DACH1: variants seen among roughly 807,000 people sequenced by gnomAD.
DACH1 encodes dachshund homolog 1.
In DACH1, 12 loss-of-function variants were observed where a neutral mutation model predicts 54.2. That is an observed-to-expected ratio of 0.22 (90% CI 0.14 to 0.36). The LOEUF (loss-of-function observed/expected upper bound fraction) is 0.36. Ranked by LOEUF, DACH1 falls within the 10% of genes least tolerant of loss-of-function variation. The pLI, the probability that DACH1 is intolerant of heterozygous loss-of-function variation, is 1.00. For missense variants in DACH1, 805 were observed against 929.8 expected (o/e 0.87, Z 1.75); for synonymous variants, 386 against 366.2 (o/e 1.05, Z -0.62).
chr13:71,700,792 T>C (rs1287984206), intron 1 of DACH1, among the ~76,000 whole-genome samples: 1 of 152,286 alleles, frequency 6.6e-6, no homozygotes, highest in South Asian at 2.1e-4. Flanking sequence ...AAAATCTTTA[T>C]ATTTGAAAAC....
chr13:71,632,490 CTG>C (rs1877182323), intron 2 of DACH1, among the ~76,000 whole-genome samples: 1 of 144,104 alleles, frequency 6.9e-6, no homozygotes, highest in African/African-American at 2.6e-5. Flanking sequence ...TCGAATTTAT[CTG>C]TGTGATTTAT....
chr13:71,497,859 GACACACACACACACAC>G lies in DACH1; in HGVS notation c.1571-8727_1571-8712del, dbSNP rs6145114. On this transcript the variant is annotated intron_variant, in intron 6 of 10. Coordinates refer to ENST00000613252, the MANE Select transcript of DACH1 (RefSeq NM_080759.6). ...GCAGGACCTAGAGGAAATATGTGTT[GACACACACACACACAC>G]ACACACACACACACACACACACACA... 4.5e-3 allele frequency among the ~76,000 whole-genome samples: 666 copies of G among 146,404 alleles called. 4 individuals carry two copies. Among genetic ancestry groups the G allele is most frequent in the African/African-American group, 0.015 (593 of 39,818 alleles).
intron 1 of DACH1, among the ~76,000 whole-genome samples, chr13:71,732,451 G>A (rs1883794013): frequency 6.6e-6 from 1 of 151,894 alleles, no homozygotes; most frequent in Non-Finnish European, 1.5e-5. Context: ...TGGGTGTGGT[G>A]GTCGGTACCT....
rs1182667810 is a variant in DACH1 at position 71,630,630 on chromosome 13, G to C, written c.1052C>G (p.Ala351Gly). The change falls in exon 3 of 11, where the codon GCC (alanine) becomes GGC (glycine). Residue 351 changes from alanine to glycine, a missense_variant. By Grantham distance (60) the Ala-to-Gly change is moderately conservative. This residue lies in a region of DACH1 where 472 missense variants were observed against 545.3 expected (regional missense o/e 0.87). Transcript: ENST00000613252. ...AMKVKKIKLEAMSNYHASNNQ... is the reference protein window; with the variant it reads ...AMKVKKIKLEGMSNYHASNNQ... ...ATTACTGGCATGATAGTTGCTCATG[G>C]CTTCTAATTTGATTTTTTTCACCTT... 6.2e-7 allele frequency: 1 copy of C among 1,611,770 alleles called. No individual in the cohort carries two copies. The highest frequency in any genetic ancestry group is 1.1e-5 in the South Asian group (1 of 90,718).
chr13:71,558,932 G>A (rs931430587), intron 5 of DACH1, among the ~76,000 whole-genome samples: 11 of 151,792 alleles, frequency 7.2e-5, no homozygotes, highest in South Asian at 2.1e-4. Flanking sequence ...AAATATTCTC[G>A]ACAACCAAAT....
chr13:71,834,062 C>T (rs1888687997), intron 1 of DACH1, among the ~76,000 whole-genome samples: 1 of 151,934 alleles, frequency 6.6e-6, no homozygotes, highest in Admixed American at 6.6e-5. Flanking sequence ...GTCAAATGTT[C>T]CTTTGTTTCC....
In DACH1 at chr13:71,502,946, G is replaced by A. The variant is rs1055777485; in HGVS notation, c.1571-13798C>T. ...ACCCTAAGCTAGGCATCAGTTTGCTGGTCTAGAAAAATTAATTTATGTAAG... is the reference window on the plus strand; with the variant it reads ...ACCCTAAGCTAGGCATCAGTTTGCTAGTCTAGAAAAATTAATTTATGTAAG... On this transcript the variant is annotated intron_variant, in intron 6 of 10. Coordinates refer to ENST00000613252, the MANE Select transcript of DACH1 (RefSeq NM_080759.6). Among the ~76,000 whole-genome samples the A allele has an allele frequency of 3.9e-5, 6 of 152,180 alleles. No homozygotes were observed. The East Asian group carries it at 5.8e-4, about 15-fold the overall frequency.
At position 71,676,561 on chromosome 13, in the gene DACH1, T is replaced by C. The variant is rs1594085359; in HGVS notation, c.964+5234A>G. Among the ~76,000 whole-genome samples the C allele has an allele frequency of 2.6e-5, 4 of 152,226 alleles. No individual in the cohort carries two copies. The East Asian group carries it at 7.7e-4, about 29-fold the overall frequency. Reference sequence around the variant, plus strand: ...TAAATTTTCTCCTGAGAAGTTGAAATGTTTAATGCATTTAAACTATTACAA... The same window carrying C: ...TAAATTTTCTCCTGAGAAGTTGAAACGTTTAATGCATTTAAACTATTACAA... On this transcript the variant is annotated intron_variant, in intron 2 of 10. Transcript: ENST00000613252.
At chr13:71,490,656 G>T (rs564751959) in intron 6 of DACH1, among the ~76,000 whole-genome samples, 110 of 152,302 alleles carry the variant, frequency 7.2e-4, no homozygotes, top group African/African-American at 2.5e-3. Context: ...CCATGCAGGG[G>T]CAGGGATGCT....
At chr13:71,796,975 A>ATAT (rs1481166674) in intron 1 of DACH1, among the ~76,000 whole-genome samples, 8 of 151,650 alleles carry the variant, frequency 5.3e-5, no homozygotes, top group African/African-American at 1.9e-4. Context: ...TATTAATATT[A>ATAT]TATTTCTTTG....
intron 3 of DACH1, among the ~76,000 whole-genome samples, chr13:71,574,374 T>G (rs1885405972): frequency 6.6e-6 from 1 of 152,080 alleles, no homozygotes; most frequent in Non-Finnish European, 1.5e-5. Context: ...AGAGGAAATT[T>G]CTGTAATATC....
intron 3 of DACH1, among the ~76,000 whole-genome samples, chr13:71,614,813 C>A (rs558200873): frequency 2.7e-4 from 39 of 144,020 alleles, no homozygotes; most frequent in Admixed American, 7.9e-4. Flanking sequence ...GTGATTGCAC[C>A]ATTGCACCCC....
chr13:71,700,011 T>G (rs564086120), intron 1 of DACH1, among the ~76,000 whole-genome samples: 1 of 152,352 alleles, frequency 6.6e-6, no homozygotes, highest in Non-Finnish European at 1.5e-5. Flanking sequence ...CCAATTATTT[T>G]TTGTTGTTTT....
intron 7 of DACH1, among the ~76,000 whole-genome samples, chr13:71,487,311 A>G (rs751887232): frequency 2.6e-5 from 4 of 152,112 alleles, no homozygotes; most frequent in Non-Finnish European, 5.9e-5. Flanking sequence ...TATGGTAGGA[A>G]AGGAGAGTAT....
At chr13:71,630,796 C>A in intron 2 of DACH1, 79 bp from the exon 3 acceptor site, 1 of 1,413,734 alleles carries the variant, frequency 7.1e-7, no homozygotes, top group Non-Finnish European at 9.2e-7. Flanking sequence ...CTATAACCAA[C>A]ATACAAACAT....
intron 10 of DACH1, among the ~76,000 whole-genome samples, chr13:71,460,063 CAAAG>C (rs1875938425): frequency 6.6e-6 from 1 of 151,920 alleles, no homozygotes; most frequent in African/African-American, 2.4e-5. Flanking sequence ...AATTTTCTCA[CAAAG>C]AAAAGAGTCA....
At chr13:71,482,265 T>C (rs1312604061) in intron 7 of DACH1, among the ~76,000 whole-genome samples, 2 of 152,110 alleles carry the variant, frequency 1.3e-5, no homozygotes, top group African/African-American at 2.4e-5. Context: ...TATCTAGCAA[T>C]GTTTCTACAG....
At chr13:71,502,807 A>G (rs1298376460) in intron 6 of DACH1, among the ~76,000 whole-genome samples, 2 of 152,178 alleles carry the variant, frequency 1.3e-5, no homozygotes, top group Admixed American at 1.3e-4. Flanking sequence ...AGTATTGGAC[A>G]CTATTCCTTC....
chr13:71,805,008 T>C (rs1887438208), intron 1 of DACH1, among the ~76,000 whole-genome samples: 1 of 152,142 alleles, frequency 6.6e-6, no homozygotes, highest in Non-Finnish European at 1.5e-5. Flanking sequence ...GCTACATGTG[T>C]CTATTTAAAT....
Sources: allele counts gnomAD v4.1 joint callset (sites outside exome capture counted in the v4.1 genomes callset), GRCh38; gene constraint gnomAD v4.1.1; regional missense constraint gnomAD v4.1.1; transcripts MANE v1.5; gene names NCBI Gene and HGNC (gene_info 2026-07-23, HGNC 2026-07-21).